The following IL6 variants were observed in gnomAD, a reference collection of about 807,000 sequenced individuals.
IL6 encodes the protein interleukin-6.
Under a neutral mutation model 18.0 loss-of-function variants are expected in IL6, and 5 were observed. The ratio of observed to expected loss-of-function variants is 0.28; its 90% CI spans 0.15 to 0.58. The LOEUF is 0.58. Among genes scored for constraint, IL6 ranks in the 20% least tolerant of loss-of-function variants. The pLI is 0.90. For synonymous variants in IL6, 97 were observed against 95.1 expected (o/e 1.02, Z -0.12); for missense variants, 266 against 251.0 (o/e 1.06, Z -0.40).
chr7:22,730,371 C>T (rs1784103155), intron 4 of IL6: 2 of 840,786 alleles, frequency 2.4e-6, no homozygotes, highest in Non-Finnish European at 2.9e-6. Flanking sequence ...ACTTAGCAAG[C>T]CTCGGGTGGG....
rs540172221 is a variant in IL6, at chr7:22,729,871, T to C, written c.471+211T>C. On this transcript the variant is annotated intron_variant, in intron 4 of 4. Coordinates refer to ENST00000258743, the MANE Select transcript of IL6 (RefSeq NM_000600.5). The stretch of plus-strand genomic sequence containing the variant: ...CTTCTGCAAAGGACATCAATAACTG[T>C]ATTTTAAACTATATATTAACTGAGG... 3.4e-5 allele frequency: 50 copies of C among 1,459,690 alleles called. No individual in the cohort carries two copies. In the African/African-American group the frequency reaches 6.7e-4, roughly 20 times the overall value. The allele number at this position is 1,459,690 out of a possible 1,614,324, so 90.4% of individuals were successfully genotyped here.
intron 4 of IL6, 110 bp from the exon 5 acceptor site, chr7:22,731,296 T>C (rs2128174982): frequency 2.5e-6 from 2 of 812,138 alleles, no homozygotes; most frequent in African/African-American, 1.7e-5. Flanking sequence ...GTTAATCTCA[T>C]TCACCCCACA....
chr7:22,731,317 G>A (rs1784119792), intron 4 of IL6, 89 bp from the exon 5 acceptor site: 5 of 1,044,494 alleles, frequency 4.8e-6, no homozygotes, highest in Admixed American at 2.8e-5. Context: ...TTTCACATTT[G>A]AACATCATCC....
chr7:22,729,976 A>ACTC (rs1223240475), intron 4 of IL6: 1 of 985,182 alleles, frequency 1.0e-6, no homozygotes, highest in Non-Finnish European at 1.2e-6. Flanking sequence ...AGTGCATCCA[A>ACTC]CTCCAGCCAG....
At position 22,731,413 on chromosome 7, in the gene IL6, A is replaced by C; in HGVS notation, c.479A>C (p.Asn160Thr). 2 of 1,574,062 alleles carry C rather than the reference A, an allele frequency of 1.3e-6. No homozygotes were observed. Among genetic ancestry groups the C allele is most frequent in the Non-Finnish European group, 1.7e-6 (2 of 1,154,832 alleles). Reference sequence around the variant, plus strand: ...ACTTTCATTTTCCTTCAGGCAAAGAATCTAGATGCAATAACCACCCCTGAC... The same window carrying C: ...ACTTTCATTTTCCTTCAGGCAAAGACTCTAGATGCAATAACCACCCCTGAC... The part of the protein sequence containing the change: ...LIQFLQKKAK[N>T]LDAITTPDPT... Residue 160 changes from asparagine to threonine, a missense_variant, in exon 5 of 5, where the codon AAT (asparagine) becomes ACT (threonine). Transcript: ENST00000258743.
chr7:22,730,458 G>A (rs867165949), intron 4 of IL6: 16 of 182,270 alleles, frequency 8.8e-5, no homozygotes, highest in Admixed American at 3.9e-4. Context: ...GGAGGTTTAA[G>A]GCCTTCCACA....
chr7:22,728,567 G>T (rs1248675955), intron 2 of IL6, 126 bp from the exon 3 acceptor site: 1 of 641,816 alleles, frequency 1.6e-6, no homozygotes. Flanking sequence ...TTGCCAGGAT[G>T]CCAATGAGTT....
chr7:22,728,894 G>A, intron 3 of IL6, 88 bp downstream of exon 3: 2 of 755,978 alleles, frequency 2.6e-6, no homozygotes, highest in Admixed American at 2.1e-5. Flanking sequence ...ATAGATCCAG[G>A]CAGCAACAAA....
intron 4 of IL6, chr7:22,730,334 G>A (rs1031009411): frequency 1.0e-6 from 1 of 972,530 alleles, no homozygotes; most frequent in Non-Finnish European, 1.2e-6. Flanking sequence ...GGAATTCCCT[G>A]GGCATCTTCT....
At chr7:22,731,343 C>T in intron 4 of IL6, 63 bp from the exon 5 acceptor site, 1 of 1,292,264 alleles carries the variant, frequency 7.7e-7, no homozygotes, top group South Asian at 1.7e-5. Context: ...CCCAGAGCAT[C>T]CCTCCACTGC....
Position 22,731,350 on chromosome 7 carries a change from C to T in IL6, c.472-56C>T, listed in dbSNP as rs1784120411. 1.3e-5 allele frequency: 18 copies of T among 1,387,696 alleles called. No individual in the cohort carries two copies. The South Asian group carries it at 2.5e-4, about 19-fold the overall frequency. The allele number at this position is 1,387,696 out of a possible 1,614,324, so 86.0% of individuals were successfully genotyped here. ...TCCCATAGCCCAGAGCATCCCTCCA[C>T]TGCAAAGGATTTATTCAACATTTAA... On this transcript the variant is annotated intron_variant, in intron 4 of 4. Coordinates refer to ENST00000258743, the MANE Select transcript of IL6 (RefSeq NM_000600.5).
At chr7:22,730,618 T>C (rs1011303353) in intron 4 of IL6, among the ~76,000 whole-genome samples, 9 of 152,174 alleles carry the variant, frequency 5.9e-5, no homozygotes, top group African/African-American at 2.2e-4. Flanking sequence ...GAAGAACCCA[T>C]ATTAAAATGC....
rs1447462286 is a variant in IL6, at chr7:22,731,688, A to AG, written c.*117dup. 5 of 520,904 alleles carry AG rather than the reference A, an allele frequency of 9.6e-6. No individual in the cohort carries two copies. Among genetic ancestry groups the AG allele is most frequent in the Non-Finnish European group, 1.5e-5 (5 of 331,598 alleles). The allele number at this position is 520,904 out of a possible 1,614,324, so 32.3% of individuals were successfully genotyped here. The stretch of plus-strand genomic sequence containing the variant: ...ATGGAGAACTAAAAGTATGAGCGTT[A>AG]GGACACTATTTTAATTATTTTTAAT... On this transcript the variant is annotated 3_prime_UTR_variant, in exon 5 of 5. Coordinates refer to ENST00000258743, the MANE Select transcript of IL6 (RefSeq NM_000600.5).
intron 1 of IL6, 22 bp downstream of exon 1, chr7:22,727,303 C>T (rs758819517): frequency 2.5e-6 from 4 of 1,613,894 alleles, no homozygotes; most frequent in South Asian, 2.2e-5. Context: ...AAATCCTTAG[C>T]CCTGGAACTG....
At chr7:22,728,882 A>C (rs765317111) in intron 3 of IL6, 76 bp downstream of exon 3, 41 of 813,044 alleles carry the variant, frequency 5.0e-5, no homozygotes, top group Admixed American at 2.4e-4. Flanking sequence ...GCCTGTATAC[A>C]TATAGATCCA....
At chr7:22,728,833 A>T (rs774086161) in intron 3 of IL6, 27 bp downstream of exon 3, 1 of 1,350,876 alleles carries the variant, frequency 7.4e-7, no homozygotes, top group Non-Finnish European at 1.1e-6. Context: ...CTCACTTTTC[A>T]CTATTCCTTA....
At position 22,727,693 on chromosome 7, in the gene IL6, T is replaced by G. The variant is rs910835102; in HGVS notation, c.210+59T>G. The G allele has an allele frequency of 5.3e-6, 8 of 1,510,638 alleles. No individual in the cohort carries two copies. The African/African-American group carries it at 9.8e-5, about 18-fold the overall frequency. 93.6% of individuals were successfully genotyped at this position (1,510,638 alleles called of 1,614,324 possible). ...GGTGCGCATGCGTTCCCCTTGCCCC[T>G]GCGTGTGGCCGGGGGCTGCCTGCAT... On this transcript the variant is annotated intron_variant, in intron 2 of 4. Transcript: ENST00000258743.
In IL6 at chr7:22,727,219, CG is replaced by C. The variant is rs778200235; in HGVS notation, c.-41del. 20 of 1,611,634 alleles carry C rather than the reference CG, an allele frequency of 1.2e-5. No individual in the cohort carries two copies. The Admixed American group carries it at 2.5e-4, about 20-fold the overall frequency. ...AGGCTCATTCTGCCCTCGAGCCCAC[CG>C]GGAACGAAAGAGAAGCTCTATCTCC... On this transcript the variant is annotated 5_prime_UTR_variant, in exon 1 of 5. Transcript: ENST00000258743.
chr7:22,729,456 T>C, intron 3 of IL6, 58 bp from the exon 4 acceptor site: 2 of 1,541,960 alleles, frequency 1.3e-6, no homozygotes, highest in Non-Finnish European at 1.8e-6. Context: ...AATTTTAACT[T>C]TTCAAATTGA....
Sources: gnomAD v4.1 joint callset for allele counts (sites outside exome capture counted in the v4.1 genomes callset) on GRCh38, gnomAD v4.1.1 for gene constraint, MANE v1.5 for transcripts, NCBI Gene and HGNC (gene_info 2026-07-23, HGNC 2026-07-21) for gene names.